Variants in OTOA observed in about 807,000 individuals in gnomAD.
The protein encoded by OTOA is cancer/testis antigen 108.
In OTOA, 70 loss-of-function variants were observed where a neutral mutation model predicts 110.8. That is an observed-to-expected ratio of 0.63 (90% CI 0.52 to 0.77). OTOA has a LOEUF of 0.77. OTOA is among the 30% of genes least tolerant of loss of function. The pLI, the probability that OTOA is intolerant of heterozygous loss-of-function variation, is 0.00. For missense variants in OTOA, 917 were observed against 1,075.8 expected (o/e 0.85, Z 2.06); for synonymous variants, 373 against 431.5 (o/e 0.86, Z 1.68).
intron 28 of OTOA, among the ~76,000 whole-genome samples, chr16:21,760,100 C>T (rs1900121439): frequency 6.6e-6 from 1 of 151,952 alleles, no homozygotes; most frequent in African/African-American, 2.4e-5. Flanking sequence ...ATGAACCCTT[C>T]CTATGGACCA....
intron 9 of OTOA, among the ~76,000 whole-genome samples, chr16:21,693,833 C>A (rs941889773): frequency 2.0e-5 from 3 of 152,138 alleles, no homozygotes; most frequent in African/African-American, 7.2e-5. Flanking sequence ...GGCTTGGCCT[C>A]CCAAAGTGCT....
intron 11 of OTOA, among the ~76,000 whole-genome samples, chr16:21,703,163 T>C (rs563475879): frequency 1.5e-4 from 23 of 152,284 alleles, no homozygotes; most frequent in Admixed American, 9.8e-4. Context: ...GAGTATATGA[T>C]ACATTGTTAT....
At chr16:21,697,037 C>CTTTTTTTTTTTTT (rs56124254) in intron 9 of OTOA, among the ~76,000 whole-genome samples, 4 of 65,032 alleles carry the variant, frequency 6.2e-5, no homozygotes, top group Non-Finnish European at 1.1e-4. Context: ...CTACAGCTGG[C>CTTTTTTTTTTTTT]TTTTTTTTTT....
intron 1 of OTOA, among the ~76,000 whole-genome samples, chr16:21,677,583 G>T (rs1348264924): frequency 6.8e-6 from 1 of 147,394 alleles, no homozygotes; most frequent in Non-Finnish European, 1.5e-5. Flanking sequence ...CAGGGTTCAC[G>T]CCATTCTTCT....
chr16:21,686,542 C>T (rs1382186312), intron 7 of OTOA, among the ~76,000 whole-genome samples: 1 of 152,128 alleles, frequency 6.6e-6, no homozygotes, highest in South Asian at 2.1e-4. Flanking sequence ...ATCAACCTGC[C>T]TCAGCCTCCC....
intron 6 of OTOA, among the ~76,000 whole-genome samples, chr16:21,684,768 T>TTA (rs1567366315): frequency 0.011 from 147 of 13,934 alleles, no homozygotes; most frequent in Non-Finnish European, 0.025. Context: ...TATTATTATT[T>TTA]TTTAGGTGGA....
At chr16:21,675,337 T>TTTTAA (rs1966855755) in intron 1 of OTOA, among the ~76,000 whole-genome samples, 1 of 110,178 alleles carries the variant, frequency 9.1e-6, no homozygotes, top group African/African-American at 3.4e-5. Context: ...TTTTTTTTTT[T>TTTTAA]ATAGAGATGG....
rs181285059 is a variant in OTOA at position 21,673,760 on chromosome 16, C to T, written c.-4-4751C>T. On this transcript the variant is annotated intron_variant, in intron 1 of 28. Transcript: ENST00000646100. Reference sequence around the variant, plus strand: ...TTTTCAGCTACTATGAATAAAGATGCTATGAACATTTGTGTACAGGTTTTG... The same window carrying T: ...TTTTCAGCTACTATGAATAAAGATGTTATGAACATTTGTGTACAGGTTTTG... 2.0e-5 allele frequency among the ~76,000 whole-genome samples: 3 copies of T among 152,250 alleles called. No homozygotes were observed. The East Asian group carries it at 5.8e-4, about 29-fold the overall frequency.
chr16:21,685,208 T>C, intron 6 of OTOA, 22 bp from the exon 7 acceptor site: 1 of 1,609,980 alleles, frequency 6.2e-7, no homozygotes, highest in Non-Finnish European at 8.5e-7. Flanking sequence ...TCTCACCGAC[T>C]CTCCCAACAC....
chr16:21,685,345 A>G lies in OTOA; in HGVS notation c.383A>G (p.Asp128Gly). Residue 128 changes from aspartate (D) to glycine (G), a missense_variant, in exon 7 of 29, where the codon GAC becomes GGC. Transcript: ENST00000646100. ...ACTGCCATGAAATGCCTCTTAGAAGACAAGAAGGACGGCTTGGTGAGGAGC... is the reference window on the plus strand; with the variant it reads ...ACTGCCATGAAATGCCTCTTAGAAGGCAAGAAGGACGGCTTGGTGAGGAGC... Reference protein sequence around the residue: ...FRTAMKCLLEDKKDGLDLKDI... With the variant: ...FRTAMKCLLEGKKDGLDLKDI... The G allele has an allele frequency of 6.2e-7, 1 of 1,612,102 alleles. No individual in the cohort carries two copies. The highest frequency in any genetic ancestry group is 1.3e-5 in the African/African-American group (1 of 74,996).
intron 9 of OTOA, among the ~76,000 whole-genome samples, chr16:21,692,065 G>A (rs1426707149): frequency 9.9e-5 from 15 of 152,220 alleles, no homozygotes; most frequent in Non-Finnish European, 4.4e-5. Flanking sequence ...GGTGGCTCAC[G>A]CCTGTAATCC....
Position 21,715,205 on chromosome 16 carries a change from G to A in OTOA, c.1488+53G>A, listed in dbSNP as rs549013683. On this transcript the variant is annotated intron_variant, in intron 14 of 28. Transcript: ENST00000646100. ...CACATGTCACAGGGGGTATGTTTTT[G>A]GGGTTGGTGAGTGGGCTGTGACTTT... The A allele has an allele frequency of 8.1e-6, 13 of 1,612,326 alleles. No individual in the cohort carries two copies. In the East Asian group the frequency reaches 1.8e-4, roughly 22 times the overall value.
chr16:21,681,477 G>T (rs1046611990), intron 5 of OTOA, among the ~76,000 whole-genome samples: 2 of 152,066 alleles, frequency 1.3e-5, no homozygotes, highest in African/African-American at 4.8e-5. Flanking sequence ...CAGCTGCTTG[G>T]GTGGCTGAGG....
At chr16:21,710,391 T>C (rs945412092) in intron 13 of OTOA, among the ~76,000 whole-genome samples, 1 of 152,084 alleles carries the variant, frequency 6.6e-6, no homozygotes, top group Non-Finnish European at 1.5e-5. Context: ...ACTAATCCCA[T>C]TGGATCAGGG....
At chr16:21,696,123 G>C (rs1290775002) in intron 9 of OTOA, among the ~76,000 whole-genome samples, 1 of 151,606 alleles carries the variant, frequency 6.6e-6, no homozygotes, top group East Asian at 1.9e-4. Context: ...TCGATCTCCT[G>C]ACCTTGTGAT....
Position 21,724,455 on chromosome 16 carries a change from GAGAGTTAAGGGACATCAGATCATGGGGGC to G in OTOA, c.1880+1478_1880+1506del, listed in dbSNP as rs748310394. On this transcript the variant is annotated intron_variant, in intron 18 of 28. Transcript: ENST00000646100. ...AGAGTAGATAGGGGAGAGAAGGCCA[GAGAGTTAAGGGACATCAGATCATGGGGGC>G]TTTGTAAAGTGAGGTGTTTCACACA... Among the ~76,000 whole-genome samples, 481 of 152,322 alleles carry G rather than the reference GAGAGTTAAGGGACATCAGATCATGGGGGC, an allele frequency of 3.2e-3. 1 individual carries two copies. The highest frequency in any genetic ancestry group is 0.017 in the Middle Eastern group (5 of 294).
At chr16:21,701,786 AT>A (rs747257991) in intron 11 of OTOA, among the ~76,000 whole-genome samples, 94 of 147,982 alleles carry the variant, frequency 6.4e-4, no homozygotes, top group Non-Finnish European at 1.1e-3. Context: ...GCCCAGCTAA[AT>A]TTTTTGTATT....
chr16:21,695,893 T>TATATA (rs1567372708), intron 9 of OTOA, among the ~76,000 whole-genome samples: 131 of 62,764 alleles, frequency 2.1e-3, no homozygotes, highest in Middle Eastern at 0.016. Flanking sequence ...ATATATATAT[T>TATATA]TTTTTTTTTT....
At chr16:21,702,069 C>G (rs575010120) in intron 11 of OTOA, among the ~76,000 whole-genome samples, 2 of 151,554 alleles carry the variant, frequency 1.3e-5, no homozygotes, top group Non-Finnish European at 2.9e-5. Flanking sequence ...CCTGCCTCAG[C>G]CTCCCAAGTA....
Sources: gnomAD v4.1 joint callset for allele counts (sites outside exome capture counted in the v4.1 genomes callset) on GRCh38, gnomAD v4.1.1 for gene constraint, MANE v1.5 for transcripts, NCBI Gene and HGNC (gene_info 2026-07-23, HGNC 2026-07-21) for gene names.